The following LUZP2 variants were observed in gnomAD, a reference collection of about 807,000 sequenced individuals.
LUZP2 encodes leucine zipper protein 2.
A neutral mutation model predicts 51.6 loss-of-function variants in LUZP2; 52 were observed. That is an observed-to-expected ratio of 1.01 (90% CI 0.81 to 1.27). The LOEUF is 1.27. Ranked by LOEUF, LUZP2 falls within the 50% of genes most tolerant of loss-of-function variation. The pLI, the probability that LUZP2 is intolerant of heterozygous loss-of-function variation, is 0.00. For missense variants in LUZP2, 436 were observed against 395.4 expected, an observed-to-expected ratio of 1.10 and a Z score of -0.87; for synonymous variants, 154 against 137.3, an observed-to-expected ratio of 1.12 and a Z score of -0.85.
chr11:24,699,355 C>T (rs1347935877), intron 1 of LUZP2, among the ~76,000 whole-genome samples: 4 of 152,032 alleles, frequency 2.6e-5, no homozygotes, highest in East Asian at 1.9e-4. Flanking sequence ...TTTGAATTCC[C>T]TGCATAGTTT....
intron 5 of LUZP2, among the ~76,000 whole-genome samples, chr11:24,801,908 C>T (rs1308749539): frequency 6.6e-6 from 1 of 150,400 alleles, no homozygotes; most frequent in Non-Finnish European, 1.5e-5. Context: ...GTTTAATATC[C>T]CCAATTTTTT....
At chr11:24,974,634 T>C (rs1855834956) in intron 7 of LUZP2, among the ~76,000 whole-genome samples, 1 of 152,094 alleles carries the variant, frequency 6.6e-6, no homozygotes, top group Admixed American at 6.6e-5. Context: ...GAATTTGGGT[T>C]TCTGTTTCAC....
At chr11:24,831,346 T>G (rs1196569183) in intron 5 of LUZP2, among the ~76,000 whole-genome samples, 1 of 152,210 alleles carries the variant, frequency 6.6e-6, no homozygotes. Context: ...AGGCAATTCA[T>G]GTAATCAGTA....
chr11:24,785,416 A>C (rs929291174), intron 5 of LUZP2, among the ~76,000 whole-genome samples: 1 of 151,988 alleles, frequency 6.6e-6, no homozygotes, highest in Non-Finnish European at 1.5e-5. Flanking sequence ...CAAGTGTCAA[A>C]ATGTGAATTA....
chr11:24,696,658 G>T (rs767598380), intron 1 of LUZP2, among the ~76,000 whole-genome samples: 1 of 152,054 alleles, frequency 6.6e-6, no homozygotes, highest in Non-Finnish European at 1.5e-5. Flanking sequence ...AGAAAAAAAG[G>T]TATAACTTTG....
At chr11:24,814,551 T>G (rs1164784206) in intron 5 of LUZP2, among the ~76,000 whole-genome samples, 1 of 152,206 alleles carries the variant, frequency 6.6e-6, no homozygotes, top group Non-Finnish European at 1.5e-5. Context: ...AAGTTTTACT[T>G]CTAGAGAAAG....
chr11:24,519,510 A>G (rs1850577069), intron 1 of LUZP2, among the ~76,000 whole-genome samples: 1 of 152,222 alleles, frequency 6.6e-6, no homozygotes, highest in African/African-American at 2.4e-5. Flanking sequence ...GATCTCCAGA[A>G]ATGAAATTGT....
chr11:25,016,623 ATG>A (rs1025051768), intron 9 of LUZP2, among the ~76,000 whole-genome samples: 5 of 127,136 alleles, frequency 3.9e-5, no homozygotes, highest in African/African-American at 1.2e-4. Flanking sequence ...CGTGTTACAT[ATG>A]TGTGTGTTTG....
intron 1 of LUZP2, among the ~76,000 whole-genome samples, chr11:24,722,649 G>T (rs1408933145): frequency 2.0e-5 from 3 of 152,116 alleles, no homozygotes; most frequent in Middle Eastern, 6.3e-3. Context: ...CAGGCACAGT[G>T]GTTCATTCTT....
chr11:24,917,561 A>G (rs1853833907), intron 7 of LUZP2, among the ~76,000 whole-genome samples: 1 of 152,126 alleles, frequency 6.6e-6, no homozygotes, highest in Admixed American at 6.6e-5. Flanking sequence ...ATGGCTAGCC[A>G]GTTTTCCCAG....
intron 5 of LUZP2, among the ~76,000 whole-genome samples, chr11:24,897,663 G>T (rs1364865346): frequency 6.6e-6 from 1 of 152,170 alleles, no homozygotes; most frequent in East Asian, 1.9e-4. Flanking sequence ...TTTAAGAATT[G>T]TAACACTCAC....
At chr11:24,641,631 G>A (rs1278059936) in intron 1 of LUZP2, among the ~76,000 whole-genome samples, 1 of 151,678 alleles carries the variant, frequency 6.6e-6, no homozygotes, top group Admixed American at 6.6e-5. Flanking sequence ...AAGCAACATT[G>A]ACATATAAAA....
chr11:24,957,787 G>A (rs924168109), intron 7 of LUZP2, among the ~76,000 whole-genome samples: 1 of 151,910 alleles, frequency 6.6e-6, no homozygotes, highest in Non-Finnish European at 1.5e-5. Context: ...AAGTTTTAGG[G>A]TACATGTGCA....
rs141451060 is a variant in LUZP2, at chr11:24,934,862, A to T, written c.522+20324A>T. Among the ~76,000 whole-genome samples, 177 of 152,238 alleles carry T rather than the reference A, an allele frequency of 1.2e-3. 1 individual carries two copies. Among genetic ancestry groups the T allele is most frequent in the African/African-American group, 3.8e-3 (159 of 41,538 alleles). On this transcript the variant is annotated intron_variant, in intron 7 of 11. Transcript: ENST00000336930. The stretch of plus-strand genomic sequence containing the variant: ...AGAGTTGGTACTCAAGATACAACCT[A>T]TTTGCCTTCTGAATGAGCTTTTAAA...
Position 24,914,516 on chromosome 11 carries a change from GGAA to G in LUZP2, c.505_507del (p.Lys169del). The G allele has an allele frequency of 6.2e-7, 1 of 1,608,574 alleles. No individual in the cohort carries two copies. Among genetic ancestry groups the G allele is most frequent in the Non-Finnish European group, 8.5e-7 (1 of 1,178,028 alleles). ...GCCCAGCTGAAGGAGCTTCGTTATG[GGAA>G]GAAGGATTTATTATTTAAGGTGAGT... On this transcript the variant is annotated inframe_deletion, in exon 7 of 12. Transcript: ENST00000336930.
intron 1 of LUZP2, among the ~76,000 whole-genome samples, chr11:24,499,752 G>A (rs72869884): frequency 0.088 from 13,349 of 151,142 alleles, 616 homozygotes; most frequent in Admixed American, 0.11. Flanking sequence ...AATGCAGAGC[G>A]GAGACTCTTA....
At chr11:24,976,799 T>C in intron 8 of LUZP2, 134 bp downstream of exon 8, 1 of 515,138 alleles carries the variant, frequency 1.9e-6, no homozygotes, top group Non-Finnish European at 3.2e-6. Context: ...ATAAGATAGT[T>C]ACAGAATTCA....
At chr11:24,728,139 A>G (rs1858554664) in intron 1 of LUZP2, among the ~76,000 whole-genome samples, 1 of 151,982 alleles carries the variant, frequency 6.6e-6, no homozygotes, top group Non-Finnish European at 1.5e-5. Flanking sequence ...CCGTTTTCCC[A>G]CAATTTTACA....
At chr11:24,826,038 T>G (rs1013958892) in intron 5 of LUZP2, among the ~76,000 whole-genome samples, 1 of 150,986 alleles carries the variant, frequency 6.6e-6, no homozygotes, top group African/African-American at 2.4e-5. Flanking sequence ...CTGGGCGCGG[T>G]GGCGGGCGCC....
Sources: gnomAD v4.1 joint callset for allele counts (sites outside exome capture counted in the v4.1 genomes callset) on GRCh38, gnomAD v4.1.1 for gene constraint, MANE v1.5 for transcripts, NCBI Gene and HGNC (gene_info 2026-07-23, HGNC 2026-07-21) for gene names.